SRGAP2: variants seen among roughly 807,000 people sequenced by gnomAD.
The protein encoded by SRGAP2 is SLIT-ROBO Rho GTPase activating protein 2, also known as SLIT-ROBO Rho GTPase-activating protein 2.
Under a neutral mutation model 57.2 loss-of-function variants are expected in SRGAP2, and 15 were observed. That is an observed-to-expected ratio of 0.26 (90% CI 0.18 to 0.40). The LOEUF is 0.40. SRGAP2 is among the 10% of genes least tolerant of loss of function. The probability of loss-of-function intolerance (pLI) is 1.00; values close to 1 mark genes in which losing one functional copy is unlikely to be tolerated. For synonymous variants in SRGAP2, 249 were observed against 248.0 expected (o/e 1.00, Z -0.04); for missense variants, 520 against 669.6 (o/e 0.78, Z 2.47).
intron 10 of SRGAP2, among the ~76,000 whole-genome samples, chr1:206,412,790 A>G (rs939300925): frequency 2.0e-5 from 3 of 152,258 alleles, no homozygotes; most frequent in South Asian, 2.1e-4. Context: ...CTTATCCCCA[A>G]CGAGTCTCTC....
chr1:206,298,746 A>G (rs1407577573), intron 2 of SRGAP2, among the ~76,000 whole-genome samples: 1 of 152,202 alleles, frequency 6.6e-6, no homozygotes, highest in Non-Finnish European at 1.5e-5. Flanking sequence ...TGTCATTTTT[A>G]AAAAAACATA....
At chr1:206,301,066 C>G (rs1174928273) in intron 2 of SRGAP2, among the ~76,000 whole-genome samples, 2 of 152,192 alleles carry the variant, frequency 1.3e-5, no homozygotes, top group Non-Finnish European at 2.9e-5. Flanking sequence ...GAGTCTCGCT[C>G]TGTCGCCCAG....
chr1:206,256,458 G>A (rs1669190643), intron 2 of SRGAP2, among the ~76,000 whole-genome samples: 1 of 146,380 alleles, frequency 6.8e-6, no homozygotes. Context: ...CTATTGGTGA[G>A]GCAGTTCTAA....
In SRGAP2 at chr1:206,295,245, A is replaced by T. The variant is rs1447199816; in HGVS notation, c.68-8036A>T. On this transcript the variant is annotated intron_variant, in intron 2 of 22. Transcript: ENST00000573034. ...TTTTTTTTTATTTTTATTTTTTGAG[A>T]TGGAGTCTCTCCCTGTCGCCCAGGC... Among the ~76,000 whole-genome samples the T allele has an allele frequency of 2.9e-3, 436 of 151,644 alleles. 4 individuals are homozygous for T. Among genetic ancestry groups the T allele is most frequent in the African/African-American group, 1.0e-2 (412 of 41,294 alleles).
intron 4 of SRGAP2, among the ~76,000 whole-genome samples, chr1:206,356,835 A>G (rs1437010323): frequency 6.9e-6 from 1 of 145,462 alleles, no homozygotes; most frequent in Non-Finnish European, 1.5e-5. Context: ...TTTTTCTACT[A>G]GATCCTACCT....
intron 21 of SRGAP2, 116 bp downstream of exon 21, chr1:206,455,140 A>T (rs782526487): frequency 1.7e-5 from 13 of 760,608 alleles, no homozygotes; most frequent in Non-Finnish European, 2.7e-5. Context: ...CAGCTCCCCC[A>T]GCCTAACAGT....
At chr1:206,426,551 A>G (rs1553366390) in intron 13 of SRGAP2, among the ~76,000 whole-genome samples, 2 of 152,178 alleles carry the variant, frequency 1.3e-5, no homozygotes, top group African/African-American at 4.8e-5. Flanking sequence ...AGGAGCTTCC[A>G]TACTGTTTTT....
intron 2 of SRGAP2, among the ~76,000 whole-genome samples, chr1:206,266,357 C>T (rs1196590639): frequency 6.6e-6 from 1 of 151,996 alleles, no homozygotes; most frequent in Non-Finnish European, 1.5e-5. Flanking sequence ...GATTCTCTTG[C>T]CTCAGCCTCT....
intron 17 of SRGAP2, among the ~76,000 whole-genome samples, chr1:206,445,453 C>A (rs2336938): frequency 0.57 from 86,629 of 152,142 alleles, 25,609 homozygotes; most frequent in East Asian, 0.73. Context: ...ATGTAATAAT[C>A]TAGAAGGAGA....
At chr1:206,286,557 A>G (rs1315845015) in intron 2 of SRGAP2, among the ~76,000 whole-genome samples, 18 of 150,720 alleles carry the variant, frequency 1.2e-4, no homozygotes, top group Non-Finnish European at 2.5e-4. Flanking sequence ...TGAAGTCCCT[A>G]CCATCATGGA....
chr1:206,453,983 T>C, intron 20 of SRGAP2: 1 of 627,750 alleles, frequency 1.6e-6, no homozygotes, highest in South Asian at 1.9e-5. Context: ...AGATCTCATC[T>C]GATAGGCTGT....
At chr1:206,419,015 T>C (rs1363645414) in intron 11 of SRGAP2, among the ~76,000 whole-genome samples, 4 of 151,972 alleles carry the variant, frequency 2.6e-5, no homozygotes, top group Non-Finnish European at 4.4e-5. Context: ...ATTTCATCTC[T>C]GGGAGGGCTT....
chr1:206,427,693 A>C (rs1327226764), intron 13 of SRGAP2, among the ~76,000 whole-genome samples: 1 of 152,182 alleles, frequency 6.6e-6, no homozygotes, highest in Non-Finnish European at 1.5e-5. Flanking sequence ...GACCCATCGC[A>C]CTTGACAGTC....
rs201516467 is a variant in SRGAP2, at chr1:206,319,826, C to T, written c.260+16353C>T. On this transcript the variant is annotated intron_variant, in intron 3 of 22. Coordinates refer to ENST00000573034, the MANE Select transcript of SRGAP2 (RefSeq NM_015326.5). ...TGTTGTTGTTGTTTTTTGTTTTTTGCGATGGAGTCTCTCACTCTGTTGCCC... is the reference window on the plus strand; with the variant it reads ...TGTTGTTGTTGTTTTTTGTTTTTTGTGATGGAGTCTCTCACTCTGTTGCCC... Among the ~76,000 whole-genome samples, 680 of 131,832 alleles carry T rather than the reference C, an allele frequency of 5.2e-3. 27 individuals carry two copies. Among genetic ancestry groups the T allele is most frequent in the Admixed American group, 0.04 (548 of 13,858 alleles). The allele number at this position is 131,832 out of a possible 152,430, so 86.5% of individuals were successfully genotyped here.
At chr1:206,307,269 G>T (rs1321743052) in intron 3 of SRGAP2, among the ~76,000 whole-genome samples, 1 of 151,940 alleles carries the variant, frequency 6.6e-6, no homozygotes, top group Non-Finnish European at 1.5e-5. Context: ...ACAGAGTGTC[G>T]ATTGGTGCAC....
chr1:206,420,332 G>A (rs1479942600), intron 12 of SRGAP2, among the ~76,000 whole-genome samples: 7 of 152,104 alleles, frequency 4.6e-5, no homozygotes, highest in Admixed American at 2.6e-4. Flanking sequence ...CAGGATAATG[G>A]GATTCTCTGG....
At chr1:206,305,889 T>A (rs1672165142) in intron 3 of SRGAP2, among the ~76,000 whole-genome samples, 21 of 151,818 alleles carry the variant, frequency 1.4e-4, no homozygotes. Context: ...TTCCTCAGAG[T>A]TTCTTATCTT....
chr1:206,229,638 A>G (rs1178737731), intron 2 of SRGAP2, among the ~76,000 whole-genome samples: 1 of 151,584 alleles, frequency 6.6e-6, no homozygotes, highest in Non-Finnish European at 1.5e-5. Flanking sequence ...AACCTGAAGG[A>G]CTCTTCAGCA....
intron 3 of SRGAP2, among the ~76,000 whole-genome samples, chr1:206,332,455 A>G (rs1553332182): frequency 6.6e-6 from 1 of 151,192 alleles, no homozygotes; most frequent in Non-Finnish European, 1.5e-5. Context: ...CCAATCAGAC[A>G]TAGATTTGGT....
Sources: allele counts gnomAD v4.1 joint callset (sites outside exome capture counted in the v4.1 genomes callset), GRCh38; gene constraint gnomAD v4.1.1; transcripts MANE v1.5; gene names NCBI Gene and HGNC (gene_info 2026-07-23, HGNC 2026-07-21).